The following COL4A5 variants were observed in gnomAD, a reference collection of about 807,000 sequenced individuals.
COL4A5 encodes the protein collagen alpha-5(IV) chain.
COL4A5 carries 26 observed loss-of-function variants against 130.2 expected under a neutral mutation model. That is an observed-to-expected ratio of 0.20 (90% CI 0.15 to 0.28). COL4A5 has a LOEUF of 0.28. Ranked by LOEUF, COL4A5 falls within the 10% of genes least tolerant of loss-of-function variation. The pLI is 1.00. For missense variants in COL4A5, 1,131 were observed against 1,344.3 expected (o/e 0.84, Z 2.48); for synonymous variants, 496 against 439.6 (o/e 1.13, Z -1.60).
intron 28 of COL4A5, among the ~76,000 whole-genome samples, chrX:108,603,730 C>G (rs750046081): frequency 2.7e-5 from 3 of 111,787 alleles, no homozygotes; most frequent in African/African-American, 9.7e-5. Flanking sequence ...AAAGATTTCT[C>G]TGCAGCATGT....
intron 1 of COL4A5, among the ~76,000 whole-genome samples, chrX:108,530,903 T>A (rs1173161259): frequency 9.6e-6 from 1 of 104,489 alleles, no homozygotes; most frequent in African/African-American, 3.5e-5. Flanking sequence ...TAAAGACACA[T>A]GCACACGTAT....
intron 2 of COL4A5, among the ~76,000 whole-genome samples, chrX:108,540,529 C>A (rs2065521291): frequency 9.0e-6 from 1 of 111,536 alleles, no homozygotes; most frequent in Non-Finnish European, 1.9e-5. Flanking sequence ...AGGCTCACTG[C>A]AACCTCCGCC....
intron 1 of COL4A5, among the ~76,000 whole-genome samples, chrX:108,530,957 C>G (rs2065376837): frequency 1.0e-5 from 1 of 99,288 alleles, no homozygotes. Flanking sequence ...TTGGAACCAA[C>G]CCAAATGTCC....
intron 23 of COL4A5, 46 bp from the exon 24 acceptor site, chrX:108,597,331 T>G: frequency 8.8e-7 from 1 of 1,135,254 alleles, no homozygotes; most frequent in Non-Finnish European, 1.2e-6. Flanking sequence ...CTTTTTCTCT[T>G]TCTTCTTTTT....
chrX:108,548,640 A>C (rs2065703553), intron 2 of COL4A5, among the ~76,000 whole-genome samples: 2 of 111,486 alleles, frequency 1.8e-5, no homozygotes, highest in Admixed American at 9.6e-5. Flanking sequence ...AGCAAACCTC[A>C]AGCAAAGTAA....
chrX:108,485,811 C>T (rs750520663), intron 1 of COL4A5, among the ~76,000 whole-genome samples: 1 of 111,023 alleles, frequency 9.0e-6, no homozygotes, highest in Admixed American at 9.6e-5. Context: ...CTTAGCTGCA[C>T]CAACTGGTGT....
chrX:108,461,799 T>TG (rs1158568828), intron 1 of COL4A5, among the ~76,000 whole-genome samples: 2 of 111,515 alleles, frequency 1.8e-5, no homozygotes, highest in Non-Finnish European at 3.8e-5. Context: ...TTCACCATGT[T>TG]GGCTAGGCTG....
At chrX:108,451,476 T>C (rs2064511758) in intron 1 of COL4A5, among the ~76,000 whole-genome samples, 1 of 112,026 alleles carries the variant, frequency 8.9e-6, no homozygotes, top group African/African-American at 3.2e-5. Flanking sequence ...GTAAAAGTGT[T>C]CGTATTTCTC....
chrX:108,494,999 TAGTAGAGAAGG>T (rs2065022056), intron 1 of COL4A5, among the ~76,000 whole-genome samples: 1 of 111,478 alleles, frequency 9.0e-6, no homozygotes, highest in Non-Finnish European at 1.9e-5. Context: ...ACAGTTGCAG[TAGTAGAGAAGG>T]AATAGACACA....
chrX:108,590,629 C>T (rs971555139), intron 19 of COL4A5, among the ~76,000 whole-genome samples: 1 of 111,554 alleles, frequency 9.0e-6, no homozygotes, highest in African/African-American at 3.2e-5. Context: ...TTTTCCTTAG[C>T]AGTTTTGAAA....
rs763482224 is a variant in COL4A5, at chrX:108,530,875, C to T, written c.82-8871C>T. 1.5e-4 allele frequency among the ~76,000 whole-genome samples: 16 copies of T among 107,593 alleles called. 1 individual carries two copies. The East Asian group carries it at 4.2e-3, about 28-fold the overall frequency. The allele number at this position is 107,593 out of a possible 115,157, so 93.4% of individuals were successfully genotyped here. On this transcript the variant is annotated intron_variant, in intron 1 of 52. Transcript: ENST00000328300. ...CATTACTAGGTATATACCCAAAGGA[C>T]TATAAATCATGCTGCTATAAAGACA...
In COL4A5 at chrX:108,582,869, C is replaced by T; in HGVS notation, c.937-15C>T. On this transcript the variant is annotated splice_polypyrimidine_tract_variant and intron_variant, in intron 16 of 52. Transcript: ENST00000328300. ...TCATTTGTGCTGATGTCACCCTATC[C>T]TCTATGTTTTAAAGGGTTTGCCTGG... The T allele has an allele frequency of 8.4e-7, 1 of 1,186,540 alleles. No individual in the cohort carries two copies. Among genetic ancestry groups the T allele is most frequent in the Non-Finnish European group, 1.1e-6 (1 of 873,130 alleles).
chrX:108,665,385 C>G (rs2068056037), intron 37 of COL4A5, 122 bp from the exon 38 acceptor site: 2 of 494,138 alleles, frequency 4.0e-6, no homozygotes, highest in Non-Finnish European at 7.0e-6. Flanking sequence ...ACACCAGCAT[C>G]TTTTGGGTTT....
At chrX:108,649,224 A>G (rs2067671330) in intron 36 of COL4A5, among the ~76,000 whole-genome samples, 1 of 111,923 alleles carries the variant, frequency 8.9e-6, no homozygotes, top group Non-Finnish European at 1.9e-5. Flanking sequence ...TCTACAAGGA[A>G]GACTACAAAA....
chrX:108,526,675 T>C (rs1348442680), intron 1 of COL4A5, among the ~76,000 whole-genome samples: 5 of 20,945 alleles, frequency 2.4e-4, no homozygotes, highest in Non-Finnish European at 4.3e-4. Context: ...TTCTTTCTCT[T>C]TCTTTCTTTC....
chrX:108,446,037 C>A (rs975831252), intron 1 of COL4A5, among the ~76,000 whole-genome samples: 11 of 111,070 alleles, frequency 9.9e-5, no homozygotes, highest in African/African-American at 3.6e-4. Context: ...GGATGTGAAT[C>A]ACGAAACTCT....
chrX:108,681,969 C>T (rs375820573), intron 47 of COL4A5, 81 bp downstream of exon 47: 30 of 916,297 alleles, frequency 3.3e-5, no homozygotes, highest in Non-Finnish European at 3.4e-5. Context: ...AGGTTTGTTA[C>T]ATAGGTATAC....
At chrX:108,565,189 G>A (rs745841005) in intron 4 of COL4A5, among the ~76,000 whole-genome samples, 1 of 111,273 alleles carries the variant, frequency 9.0e-6, no homozygotes, top group East Asian at 2.8e-4. Flanking sequence ...AACTCCAAGA[G>A]TGCTTGGGAA....
At chrX:108,669,855 T>A (rs2068162433) in intron 41 of COL4A5, among the ~76,000 whole-genome samples, 1 of 111,847 alleles carries the variant, frequency 8.9e-6, no homozygotes, top group Non-Finnish European at 1.9e-5. Context: ...GCACACCTGA[T>A]GAGTGTTTGT....
Sources: gnomAD v4.1 joint callset for allele counts (sites outside exome capture counted in the v4.1 genomes callset) on GRCh38, gnomAD v4.1.1 for gene constraint, MANE v1.5 for transcripts, NCBI Gene and HGNC (gene_info 2026-07-23, HGNC 2026-07-21) for gene names.